UPB1: variants seen among roughly 807,000 people sequenced by gnomAD.
The protein encoded by UPB1 is beta-ureidopropionase 1.
Under a neutral mutation model 49.1 loss-of-function variants are expected in UPB1, and 40 were observed. The observed-to-expected ratio is 0.81, with a 90% CI of 0.63 to 1.06. UPB1 has a LOEUF of 1.06. Among genes scored for constraint, UPB1 ranks in the 50% least tolerant of loss-of-function variants. The pLI is 0.00. For synonymous variants in UPB1, 207 were observed against 198.2 expected (o/e 1.04, Z -0.38); for missense variants, 499 against 505.9 (o/e 0.99, Z 0.13).
chr22:24,495,586 CAG>C (rs928070172), intron 1 of UPB1, 79 bp downstream of exon 1: 1 of 1,523,778 alleles, frequency 6.6e-7, no homozygotes, highest in Non-Finnish European at 9.0e-7. Context: ...GGGAGGGCCT[CAG>C]GGTCTGAAGG....
At chr22:24,496,690 G>A (rs756222033) in intron 1 of UPB1, among the ~76,000 whole-genome samples, 3 of 152,178 alleles carry the variant, frequency 2.0e-5, no homozygotes, top group African/African-American at 4.8e-5. Context: ...GTCATTCCAG[G>A]TGAAGGAGGA....
chr22:24,501,341 T>C (rs1370526770), intron 2 of UPB1, among the ~76,000 whole-genome samples: 1 of 152,158 alleles, frequency 6.6e-6, no homozygotes, highest in African/African-American at 2.4e-5. Context: ...GAACAAACGC[T>C]TTTGAATGTC....
intron 9 of UPB1, among the ~76,000 whole-genome samples, chr22:24,524,173 C>T (rs1489770743): frequency 4.6e-5 from 7 of 152,184 alleles, no homozygotes; most frequent in South Asian, 2.1e-4. Flanking sequence ...TAGGCCTTGA[C>T]GATAGCAGGA....
chr22:24,522,052 C>T, intron 8 of UPB1, 24 bp downstream of exon 8: 1 of 1,613,220 alleles, frequency 6.2e-7, no homozygotes, highest in South Asian at 1.1e-5. Context: ...ACCATGGTGG[C>T]TGCAGTTGAG....
At chr22:24,510,268 C>T (rs1568987382) in intron 3 of UPB1, among the ~76,000 whole-genome samples, 1 of 151,906 alleles carries the variant, frequency 6.6e-6, no homozygotes. Context: ...ACTCTAAATA[C>T]CTCCTATGAG....
intron 7 of UPB1, 37 bp downstream of exon 7, chr22:24,520,505 A>C: frequency 1.9e-6 from 3 of 1,607,794 alleles, no homozygotes; most frequent in Non-Finnish European, 2.5e-6. Flanking sequence ...AGGAGCCACC[A>C]CCTGGTGGCT....
chr22:24,526,605 T>C lies in UPB1; in HGVS notation c.*811T>C, dbSNP rs2044484237. 1 of 152,278 alleles carries C rather than the reference T, an allele frequency of 6.6e-6. No individual in the cohort carries two copies. Among genetic ancestry groups the C allele is most frequent in the Non-Finnish European group, 1.5e-5 (1 of 68,070 alleles). The allele number at this position is 152,278 out of a possible 1,614,324, so 9.4% of individuals were successfully genotyped here. A position where few individuals can be genotyped will look rare whatever the true frequency, so the allele number is the denominator to read the frequency against. ...CCCCTACTGGTTCTGCTTCTCTAGT[T>C]GAATCTGACTGATACAGATTTTGGT... On this transcript the variant is annotated 3_prime_UTR_variant, in exon 10 of 10. Transcript: ENST00000326010.
intron 3 of UPB1, chr22:24,503,343 C>G (rs1013855486): frequency 6.6e-6 from 1 of 152,218 alleles, no homozygotes; most frequent in Non-Finnish European, 1.5e-5. Flanking sequence ...GTCCTGGGAT[C>G]CCCCCTCATC....
chr22:24,510,994 A>C, intron 4 of UPB1, 151 bp downstream of exon 4: 97 of 740,764 alleles, frequency 1.3e-4, no homozygotes, highest in South Asian at 9.8e-4. Flanking sequence ...ACTATCTGCC[A>C]CTTTTTTTTT....
chr22:24,510,391 G>A (rs1426838627), intron 3 of UPB1, among the ~76,000 whole-genome samples: 1 of 151,802 alleles, frequency 6.6e-6, no homozygotes, highest in East Asian at 1.9e-4. Context: ...ATATTCCATT[G>A]TGTATATATA....
In UPB1 at chr22:24,495,395, AC is replaced by A; in HGVS notation, c.-7del. The A allele has an allele frequency of 1.2e-6, 2 of 1,612,720 alleles. No homozygotes were observed. Among genetic ancestry groups the A allele is most frequent in the Non-Finnish European group, 1.7e-6 (2 of 1,179,968 alleles). On this transcript the variant is annotated 5_prime_UTR_variant, in exon 1 of 10. Transcript: ENST00000326010. ...CGTGCGCGGACACAAGCACTGGCGG[AC>A]CGTGGCCATGGCGGGCGCTGAGTGG...
At chr22:24,522,330 G>A (rs1230895065) in intron 8 of UPB1, among the ~76,000 whole-genome samples, 1 of 152,100 alleles carries the variant, frequency 6.6e-6, no homozygotes, top group Non-Finnish European at 1.5e-5. Flanking sequence ...AAAGGGAGAG[G>A]TGCTCTCATC....
chr22:24,526,785 T>C lies in UPB1; in HGVS notation c.*991T>C, dbSNP rs1219443557. The C allele has an allele frequency of 6.6e-6, 1 of 152,192 alleles. No homozygotes were observed. The highest frequency in any genetic ancestry group is 6.5e-5 in the Admixed American group (1 of 15,278). The allele number at this position is 152,192 out of a possible 1,614,324, so 9.4% of individuals were successfully genotyped here. ...GGTAAAGAGGGTAGTTGGTAGTCCATGGCATGGTGCAGCAATAGTTATTTA... is the reference window on the plus strand; with the variant it reads ...GGTAAAGAGGGTAGTTGGTAGTCCACGGCATGGTGCAGCAATAGTTATTTA... On this transcript the variant is annotated 3_prime_UTR_variant, in exon 10 of 10. Transcript: ENST00000326010.
Position 24,510,794 on chromosome 22 carries a change from A to T in UPB1, c.410A>T (p.Glu137Val). Reference protein sequence around the residue: ...FCTREKLPWTEFAESAEDGPT... With the variant: ...FCTREKLPWTVFAESAEDGPT... ...ACGAGAGAGAAGCTTCCTTGGACAG[A>T]ATTTGCTGAGTCAGCAGAGGATGGG... The change falls in exon 4 of 10, where the codon GAA (glutamate) becomes GTA (valine). Residue 137 changes from glutamate (E) to valine (V), a missense_variant. Transcript: ENST00000326010. 1.9e-6 allele frequency: 3 copies of T among 1,614,210 alleles called. No individual in the cohort carries two copies. Among genetic ancestry groups the T allele is most frequent in the Non-Finnish European group, 2.5e-6 (3 of 1,180,038 alleles).
chr22:24,507,174 A>G (rs778803873), intron 3 of UPB1, among the ~76,000 whole-genome samples: 4 of 152,228 alleles, frequency 2.6e-5, no homozygotes, highest in Non-Finnish European at 4.4e-5. Context: ...CTCTGGGGGC[A>G]CTTGACTCAC....
chr22:24,505,206 T>C (rs2044069196), intron 3 of UPB1, among the ~76,000 whole-genome samples: 1 of 152,250 alleles, frequency 6.6e-6, no homozygotes, highest in South Asian at 2.1e-4. Context: ...ATGGTTGCGA[T>C]ATCTTCTCTT....
In UPB1 at chr22:24,520,390, G is replaced by A; in HGVS notation, c.795G>A (p.Glu265=). 6.2e-7 allele frequency: 1 copy of A among 1,614,172 alleles called. No homozygotes were observed. The highest frequency in any genetic ancestry group is 8.5e-7 in the Non-Finnish European group (1 of 1,180,022). The part of the protein sequence containing the change: ...NPSATIGALS[E]SLWPIEARNA... The stretch of plus-strand genomic sequence containing the variant: ...TCCTCTTGGTCCTCTCTTACAGCGA[G>A]TCCCTGTGGCCCATCGAGGCCAGAA... Residue 265 remains glutamate, a synonymous_variant, in exon 7 of 10, where the codon GAG becomes GAA. Coordinates refer to ENST00000326010, the MANE Select transcript of UPB1 (RefSeq NM_016327.3).
rs541169952 is a variant in UPB1 at position 24,495,393 on chromosome 22, G to C, written c.-11G>C. On this transcript the variant is annotated 5_prime_UTR_variant, in exon 1 of 10. Coordinates refer to ENST00000326010, the MANE Select transcript of UPB1 (RefSeq NM_016327.3). ...TTCGTGCGCGGACACAAGCACTGGC[G>C]GACCGTGGCCATGGCGGGCGCTGAG... The C allele has an allele frequency of 2.5e-6, 4 of 1,612,628 alleles. No individual in the cohort carries two copies. Among genetic ancestry groups the C allele is most frequent in the Middle Eastern group, 1.7e-4 (1 of 6,052 alleles).
At chr22:24,498,874 C>G (rs532790419) in intron 1 of UPB1, among the ~76,000 whole-genome samples, 16 of 152,320 alleles carry the variant, frequency 1.1e-4, no homozygotes, top group African/African-American at 3.8e-4. Context: ...AGCCTTGCTC[C>G]TTTTTCTCCT....
Sources: gnomAD v4.1 joint callset for allele counts (sites outside exome capture counted in the v4.1 genomes callset) on GRCh38, gnomAD v4.1.1 for gene constraint, MANE v1.5 for transcripts, NCBI Gene and HGNC (gene_info 2026-07-23, HGNC 2026-07-21) for gene names.